The following RUNX2 variants were observed in gnomAD, a reference collection of about 807,000 sequenced individuals.
The protein encoded by RUNX2 is RUNX family transcription factor 2.
Under a neutral mutation model 51.7 loss-of-function variants are expected in RUNX2, and 10 were observed. That is an observed-to-expected ratio of 0.19 (90% CI 0.12 to 0.33). RUNX2 has a LOEUF of 0.33. Ranked by LOEUF, RUNX2 falls within the 10% of genes least tolerant of loss-of-function variation. The pLI is 1.00. For missense variants in RUNX2, 562 were observed against 691.3 expected, an observed-to-expected ratio of 0.81 and a Z score of 2.10; for synonymous variants, 276 against 273.6, an observed-to-expected ratio of 1.01 and a Z score of -0.09.
At chr6:45,426,022 A>C (rs1470567537) in intron 3 of RUNX2, among the ~76,000 whole-genome samples, 1 of 152,208 alleles carries the variant, frequency 6.6e-6, no homozygotes, top group Non-Finnish European at 1.5e-5. Flanking sequence ...TGAATTCAAT[A>C]GACTGTTTTG....
intron 7 of RUNX2, among the ~76,000 whole-genome samples, chr6:45,527,914 A>G (rs989165304): frequency 6.6e-6 from 1 of 152,332 alleles, no homozygotes; most frequent in Non-Finnish European, 1.5e-5. Context: ...CATGCTGCTA[A>G]TAAAGACATA....
At chr6:45,505,505 C>G (rs1196234702) in intron 6 of RUNX2, among the ~76,000 whole-genome samples, 2 of 152,040 alleles carry the variant, frequency 1.3e-5, no homozygotes, top group Non-Finnish European at 2.9e-5. Flanking sequence ...TTCTATATCA[C>G]TGTAGGAAGT....
chr6:45,423,742 G>T (rs1459243702), intron 3 of RUNX2, among the ~76,000 whole-genome samples: 2 of 152,194 alleles, frequency 1.3e-5, no homozygotes, highest in Non-Finnish European at 2.9e-5. Flanking sequence ...GCCAGATCCC[G>T]TTACCGGGAG....
chr6:45,445,861 T>C (rs1353349260), intron 5 of RUNX2, among the ~76,000 whole-genome samples: 1 of 152,076 alleles, frequency 6.6e-6, no homozygotes, highest in South Asian at 2.1e-4. Flanking sequence ...TGGTGGAGGT[T>C]ATGTCTGGTG....
chr6:45,329,248 T>C (rs1308037334), intron 2 of RUNX2, among the ~76,000 whole-genome samples: 3 of 151,984 alleles, frequency 2.0e-5, no homozygotes, highest in Admixed American at 6.6e-5. Context: ...GTCTACCATG[T>C]ATAACACAGA....
intron 5 of RUNX2, among the ~76,000 whole-genome samples, chr6:45,491,253 T>TA (rs1234726758): frequency 6.6e-6 from 1 of 152,282 alleles, no homozygotes; most frequent in Non-Finnish European, 1.5e-5. Context: ...GGATTTAAAA[T>TA]AAAAAAGCAT....
chr6:45,437,313 G>A (rs73737418), intron 4 of RUNX2, among the ~76,000 whole-genome samples: 1,802 of 152,274 alleles, frequency 0.012, 37 homozygotes, highest in African/African-American at 0.041. Context: ...TTAACAGCAA[G>A]GATGTATGTT....
chr6:45,498,116 C>T lies in RUNX2; in HGVS notation c.859+6002C>T, dbSNP rs1329187615. ...AAATACAGGAAGTAAAGGCAGCTCT[C>T]CATAGCTCCATGGCCCTGTGTACTT... On this transcript the variant is annotated intron_variant, in intron 6 of 8. Coordinates refer to ENST00000647337, the MANE Select transcript of RUNX2 (RefSeq NM_001024630.4). 8.5e-5 allele frequency among the ~76,000 whole-genome samples: 13 copies of T among 152,128 alleles called. 1 individual carries two copies. The highest frequency in any genetic ancestry group is 4.4e-5 in the Non-Finnish European group (3 of 68,010).
rs1428685613 is a variant in RUNX2 at position 45,492,028 on chromosome 6, G to T, written c.773G>T (p.Arg258Ile). The T allele has an allele frequency of 6.2e-7, 1 of 1,613,960 alleles. No homozygotes were observed. The highest frequency in any genetic ancestry group is 2.2e-5 in the East Asian group (1 of 44,866). ...GGGCGCATTCCTCATCCCAGTATGA[G>T]AGTAGGTGTCCCGCCTCAGAACCCA... ...DLGRIPHPSM[R>I]VGVPPQNPRP... The change falls in exon 6 of 9, where the codon AGA (arginine) becomes ATA (isoleucine). Residue 258 changes from arginine (R) to isoleucine (I), a missense_variant. Physicochemically the swap from Arg to Ile is moderately conservative, Grantham distance 97. Transcript: ENST00000647337.
chr6:45,411,443 T>C (rs1427325213), intron 2 of RUNX2, among the ~76,000 whole-genome samples: 1 of 152,210 alleles, frequency 6.6e-6, no homozygotes, highest in Non-Finnish European at 1.5e-5. Flanking sequence ...GGAATATTTT[T>C]GCCATATCTC....
intron 6 of RUNX2, among the ~76,000 whole-genome samples, chr6:45,509,124 A>G (rs1801065671): frequency 6.6e-6 from 1 of 152,204 alleles, no homozygotes; most frequent in Admixed American, 6.5e-5. Flanking sequence ...TATCATCTCC[A>G]TTTTGCAGAT....
At chr6:45,359,977 C>T (rs1793959993) in intron 2 of RUNX2, among the ~76,000 whole-genome samples, 1 of 152,146 alleles carries the variant, frequency 6.6e-6, no homozygotes, top group African/African-American at 2.4e-5. Flanking sequence ...TTACTAATAA[C>T]CGAGCAATCA....
chr6:45,436,036 G>A (rs966434524), intron 4 of RUNX2, among the ~76,000 whole-genome samples: 13 of 152,188 alleles, frequency 8.5e-5, no homozygotes, highest in South Asian at 4.1e-4. Context: ...TAGTCTTAAC[G>A]CTTATAATAA....
At chr6:45,409,110 T>C (rs973238652) in intron 2 of RUNX2, among the ~76,000 whole-genome samples, 1 of 152,214 alleles carries the variant, frequency 6.6e-6, no homozygotes, top group Non-Finnish European at 1.5e-5. Flanking sequence ...ATTTTTCTCA[T>C]TTTTCATAGC....
At chr6:45,346,433 T>C (rs574888572) in intron 2 of RUNX2, among the ~76,000 whole-genome samples, 1 of 152,080 alleles carries the variant, frequency 6.6e-6, no homozygotes, top group South Asian at 2.1e-4. Flanking sequence ...AGCACAGAGA[T>C]ACAATACAGT....
At chr6:45,342,039 G>A (rs1486801095) in intron 2 of RUNX2, among the ~76,000 whole-genome samples, 1 of 151,222 alleles carries the variant, frequency 6.6e-6, no homozygotes, top group Non-Finnish European at 1.5e-5. Flanking sequence ...ATATGGGCAA[G>A]TTGAAGAGAT....
intron 4 of RUNX2, among the ~76,000 whole-genome samples, chr6:45,434,980 A>G (rs1798642340): frequency 1.3e-5 from 2 of 152,216 alleles, no homozygotes; most frequent in Non-Finnish European, 2.9e-5. Flanking sequence ...AAATTTCTTC[A>G]ACATTGCATA....
Position 45,328,763 on chromosome 6 carries a change from T to G in RUNX2, c.37T>G (p.Cys13Gly), listed in dbSNP as rs1308444345. The change falls in exon 2 of 9, where the codon TGT becomes GGT. Residue 13 changes from cysteine (C) to glycine (G), a missense_variant. By Grantham distance (159) the Cys-to-Gly change is radical. Coordinates refer to ENST00000647337, the MANE Select transcript of RUNX2 (RefSeq NM_001024630.4). ...SNSLFSTVTP[C>G]QQNFFWDPST... ...CAGCCTCTTCAGCACAGTGACACCA[T>G]GTCAGCAAAACTTCTTTTGGGGTAA... The G allele has an allele frequency of 2.5e-6, 4 of 1,612,104 alleles. No homozygotes were observed. The highest frequency in any genetic ancestry group is 3.3e-5 in the Admixed American group (2 of 59,780).
intron 4 of RUNX2, among the ~76,000 whole-genome samples, chr6:45,437,337 A>G (rs892647280): frequency 6.6e-5 from 10 of 152,150 alleles, no homozygotes; most frequent in African/African-American, 9.7e-5. Flanking sequence ...GGAGGGGTGG[A>G]CAGGGAGGAG....
Sources: gnomAD v4.1 joint callset for allele counts (sites outside exome capture counted in the v4.1 genomes callset) on GRCh38, gnomAD v4.1.1 for gene constraint, MANE v1.5 for transcripts, NCBI Gene and HGNC (gene_info 2026-07-23, HGNC 2026-07-21) for gene names.